TBCK: variants seen among roughly 807,000 people sequenced by gnomAD.
The protein encoded by TBCK is TBC domain-containing protein kinase-like protein.
In TBCK, 99 loss-of-function variants were observed where a neutral mutation model predicts 113.4. The observed-to-expected ratio is 0.87, with a 90% CI of 0.74 to 1.03. TBCK has a LOEUF of 1.03. Ranked by LOEUF, TBCK falls within the 50% of genes least tolerant of loss-of-function variation. The probability of loss-of-function intolerance (pLI) is 0.00; values close to 1 mark genes in which losing one functional copy is unlikely to be tolerated. For missense variants in TBCK, 1,045 were observed against 1,061.3 expected (o/e 0.98, Z 0.21); for synonymous variants, 369 against 370.8 (o/e 1.00, Z 0.05).
intron 19 of TBCK, among the ~76,000 whole-genome samples, chr4:106,214,287 T>G (rs1303124909): frequency 2.0e-5 from 3 of 151,964 alleles, no homozygotes; most frequent in Non-Finnish European, 4.4e-5. Context: ...ACAGAAAAAC[T>G]GGAAACTCTA....
intron 20 of TBCK, among the ~76,000 whole-genome samples, chr4:106,199,506 C>T (rs1302578462): frequency 1.3e-5 from 2 of 151,980 alleles, no homozygotes; most frequent in Admixed American, 1.3e-4. Flanking sequence ...ATTTCAGCTC[C>T]ATCCCTAAAC....
intron 25 of TBCK, among the ~76,000 whole-genome samples, chr4:106,064,478 CAAAAG>C (rs777079748): frequency 2.6e-5 from 4 of 151,354 alleles, no homozygotes; most frequent in African/African-American, 4.8e-5. Flanking sequence ...CTTTTGATAA[CAAAAG>C]AAAAGTATTA....
At chr4:106,261,648 T>C (rs1168272492) in intron 4 of TBCK, among the ~76,000 whole-genome samples, 2 of 151,734 alleles carry the variant, frequency 1.3e-5, no homozygotes, top group African/African-American at 2.4e-5. Flanking sequence ...TAAAAGGAGG[T>C]AGGCATGAAC....
At chr4:106,247,446 T>A in intron 9 of TBCK, 159 bp from the exon 10 acceptor site, 1 of 597,742 alleles carries the variant, frequency 1.7e-6, no homozygotes, top group Non-Finnish European at 2.8e-6. Context: ...TACTTTTATA[T>A]TATAATCAAA....
chr4:106,273,580 C>G (rs1763723918), intron 3 of TBCK, among the ~76,000 whole-genome samples: 1 of 152,160 alleles, frequency 6.6e-6, no homozygotes, highest in African/African-American at 2.4e-5. Flanking sequence ...AGAAAATCAT[C>G]CTGGATTATC....
At chr4:106,232,271 A>T (rs1758947015) in intron 17 of TBCK, among the ~76,000 whole-genome samples, 1 of 151,856 alleles carries the variant, frequency 6.6e-6, no homozygotes, top group Admixed American at 6.6e-5. Context: ...ATGTTGAAAG[A>T]ATGTACATAA....
At chr4:106,264,179 A>C (rs1470073620) in intron 3 of TBCK, among the ~76,000 whole-genome samples, 2 of 151,886 alleles carry the variant, frequency 1.3e-5, no homozygotes, top group Non-Finnish European at 2.9e-5. Context: ...GGAAACCTAC[A>C]CTCCTTTCTG....
At chr4:106,106,253 T>C (rs1742138773) in intron 24 of TBCK, among the ~76,000 whole-genome samples, 1 of 152,144 alleles carries the variant, frequency 6.6e-6, no homozygotes, top group South Asian at 2.1e-4. Flanking sequence ...TTCCCTAACC[T>C]TGCTAAAGAG....
intron 23 of TBCK, among the ~76,000 whole-genome samples, chr4:106,124,073 A>C (rs1002230744): frequency 2.5e-4 from 38 of 150,696 alleles, no homozygotes; most frequent in Non-Finnish European, 4.6e-4. Context: ...CAACCTACAA[A>C]ATGGGAGAAA....
chr4:106,100,514 C>T (rs533699811), intron 24 of TBCK, among the ~76,000 whole-genome samples: 5 of 152,116 alleles, frequency 3.3e-5, no homozygotes, highest in African/African-American at 7.2e-5. Context: ...TCACTAAAAC[C>T]GGTTTATTTA....
At chr4:106,205,739 G>A (rs1275573984) in intron 20 of TBCK, among the ~76,000 whole-genome samples, 2 of 150,624 alleles carry the variant, frequency 1.3e-5, no homozygotes, top group Non-Finnish European at 3.0e-5. Flanking sequence ...TCCAGCCTGA[G>A]TGATGGAGTG....
chr4:106,266,388 G>C (rs1055373460), intron 3 of TBCK, among the ~76,000 whole-genome samples: 3 of 151,736 alleles, frequency 2.0e-5, no homozygotes, highest in African/African-American at 7.2e-5. Context: ...GAGGACCTCA[G>C]CTGCATACTA....
intron 25 of TBCK, among the ~76,000 whole-genome samples, chr4:106,047,957 G>C (rs183248031): frequency 6.6e-6 from 1 of 152,040 alleles, no homozygotes; most frequent in African/African-American, 2.4e-5. Context: ...TCTGCTCACA[G>C]TGCTATTGCT....
Position 106,250,479 on chromosome 4 carries a change from C to A in TBCK, c.598-1G>T. The stretch of plus-strand genomic sequence containing the variant: ...CCAAGCTCTGAAATAATTTTCTTCC[C>A]TAAATAAAATGAGAAAAGAAATTTC... On this transcript the variant is annotated splice_acceptor_variant, in intron 6 of 25. Coordinates refer to ENST00000394708, the MANE Select transcript of TBCK (RefSeq NM_001163435.3). LOFTEE classifies it high-confidence loss of function. 1 of 1,502,834 alleles carries A rather than the reference C, an allele frequency of 6.7e-7. No individual in the cohort carries two copies. The highest frequency in any genetic ancestry group is 1.2e-5 in the South Asian group (1 of 80,502). The allele number at this position is 1,502,834 out of a possible 1,614,324, so 93.1% of individuals were successfully genotyped here. A position where few individuals can be genotyped will look rare whatever the true frequency, so the allele number is the denominator to read the frequency against.
intron 22 of TBCK, chr4:106,182,237 G>A (rs1752478591): frequency 6.6e-6 from 1 of 152,186 alleles, no homozygotes; most frequent in South Asian, 2.1e-4. Flanking sequence ...AGACTTTGCT[G>A]CAGTTGCTTA....
intron 2 of TBCK, among the ~76,000 whole-genome samples, chr4:106,305,444 G>GC (rs1285215171): frequency 1.3e-5 from 2 of 152,134 alleles, no homozygotes; most frequent in South Asian, 2.1e-4. Flanking sequence ...AGACAGAAGA[G>GC]CCATTGCTCT....
rs1578738279 is a variant in TBCK at position 106,046,394 on chromosome 4, C to G, written c.*176G>C. Reference sequence around the variant, plus strand: ...CAGCAATACATGTAGAGTCAAGTTTCTTGCATGGATAACTGAACATGTGGG... The same window carrying G: ...CAGCAATACATGTAGAGTCAAGTTTGTTGCATGGATAACTGAACATGTGGG... On this transcript the variant is annotated 3_prime_UTR_variant, in exon 26 of 26. Coordinates refer to ENST00000394708, the MANE Select transcript of TBCK (RefSeq NM_001163435.3). 1 of 476,892 alleles carries G rather than the reference C, an allele frequency of 2.1e-6. No homozygotes were observed. The highest frequency in any genetic ancestry group is 3.7e-6 in the Non-Finnish European group (1 of 268,780). The allele number at this position is 476,892 out of a possible 1,614,324, so 29.5% of individuals were successfully genotyped here. A position where few individuals can be genotyped will look rare whatever the true frequency, so the allele number is the denominator to read the frequency against.
intron 19 of TBCK, among the ~76,000 whole-genome samples, chr4:106,227,809 C>A (rs180846435): frequency 6.6e-6 from 1 of 151,812 alleles, no homozygotes; most frequent in African/African-American, 2.4e-5. Context: ...AATTCCCTGG[C>A]CTTAAAATAC....
intron 10 of TBCK, among the ~76,000 whole-genome samples, chr4:106,245,978 A>C (rs759021488): frequency 6.6e-6 from 1 of 152,138 alleles, no homozygotes; most frequent in Non-Finnish European, 1.5e-5. Flanking sequence ...TTTATAATGA[A>C]TACATAGTAT....
Sources: gnomAD v4.1 joint callset for allele counts (sites outside exome capture counted in the v4.1 genomes callset) on GRCh38, gnomAD v4.1.1 for gene constraint, MANE v1.5 for transcripts, NCBI Gene and HGNC (gene_info 2026-07-23, HGNC 2026-07-21) for gene names.